Variants in SVEP1 observed in about 807,000 individuals in gnomAD.
SVEP1 encodes the protein sushi, von Willebrand factor type A, EGF and pentraxin domain-containing protein 1.
A neutral mutation model predicts 367.3 loss-of-function variants in SVEP1; 164 were observed. The ratio of observed to expected loss-of-function variants is 0.45; its 90% CI spans 0.39 to 0.51. SVEP1 has a LOEUF of 0.51. Among genes scored for constraint, SVEP1 ranks in the 20% least tolerant of loss-of-function variants. The probability of loss-of-function intolerance (pLI) is 0.00; values close to 1 mark genes in which losing one functional copy is unlikely to be tolerated. For synonymous variants in SVEP1, 1,666 were observed against 1,611.6 expected (o/e 1.03, Z -0.81); for missense variants, 4,117 against 4,425.3 (o/e 0.93, Z 1.98).
chr9:110,387,193 T>C, intron 42 of SVEP1, 92 bp downstream of exon 42: 1 of 1,364,968 alleles, frequency 7.3e-7, no homozygotes, highest in Non-Finnish European at 9.8e-7. Flanking sequence ...CCCATATCCC[T>C]TATGAGTGGA....
chr9:110,523,465 A>G (rs1407403523), intron 3 of SVEP1, among the ~76,000 whole-genome samples: 1 of 152,198 alleles, frequency 6.6e-6, no homozygotes, highest in Admixed American at 6.6e-5. Flanking sequence ...CAGAGAGAAT[A>G]AACAGAAAAC....
intron 5 of SVEP1, among the ~76,000 whole-genome samples, chr9:110,508,069 T>A (rs940901775): frequency 1.4e-4 from 22 of 152,366 alleles, no homozygotes; most frequent in African/African-American, 5.0e-4. Context: ...ACCATTTTAA[T>A]AGGTACACAC....
At chr9:110,557,997 CTTTG>C (rs1054419785) in intron 1 of SVEP1, among the ~76,000 whole-genome samples, 1 of 151,776 alleles carries the variant, frequency 6.6e-6, no homozygotes, top group African/African-American at 2.4e-5. Context: ...GAATTAGTAA[CTTTG>C]TTTAATTTTA....
At chr9:110,498,947 G>T in intron 7 of SVEP1, 94 bp downstream of exon 7, 1 of 1,103,658 alleles carries the variant, frequency 9.1e-7, no homozygotes, top group Non-Finnish European at 1.2e-6. Flanking sequence ...TCATGGGTTT[G>T]CAGCAAAAGT....
intron 27 of SVEP1, among the ~76,000 whole-genome samples, chr9:110,439,185 GA>G (rs1182225409): frequency 1.3e-5 from 2 of 152,082 alleles, no homozygotes; most frequent in African/African-American, 4.8e-5. Flanking sequence ...ATGAGTTCAT[GA>G]GGGTAGGGCC....
intron 22 of SVEP1, among the ~76,000 whole-genome samples, chr9:110,451,607 T>C (rs920825603): frequency 6.6e-6 from 1 of 152,206 alleles, no homozygotes; most frequent in African/African-American, 2.4e-5. Context: ...ATATTCAGCA[T>C]GCAATGGAAA....
chr9:110,455,821 A>AGAAAAG (rs1270576905), intron 21 of SVEP1, 118 bp from the exon 22 acceptor site: 2 of 678,928 alleles, frequency 2.9e-6, no homozygotes, highest in Non-Finnish European at 4.6e-6. Context: ...GTAGTGGTAA[A>AGAAAAG]GGGTAATATT....
chr9:110,411,407 A>G lies in SVEP1; in HGVS notation c.6304T>C (p.Phe2102Leu). ...AAGCTCACAACTGAGCCAGCTGCAA[A>G]TTTTGCTTTGCTCACAGATTCCAAG... The part of the protein sequence containing the change: ...SILESVSKAK[F>L]AAGSVVSFKC... Residue 2102 changes from phenylalanine to leucine, a missense_variant, in exon 37 of 48, where the codon TTT becomes CTT. This residue lies in a region of SVEP1 where 2,174 missense variants were observed against 2,494.3 expected (regional missense o/e 0.87). Coordinates refer to ENST00000374469, the MANE Select transcript of SVEP1 (RefSeq NM_153366.4). 3.7e-6 allele frequency: 6 copies of G among 1,613,990 alleles called. No individual in the cohort carries two copies. The highest frequency in any genetic ancestry group is 5.1e-6 in the Non-Finnish European group (6 of 1,179,890).
intron 9 of SVEP1, among the ~76,000 whole-genome samples, chr9:110,485,004 A>G (rs1025321118): frequency 3.3e-5 from 5 of 152,230 alleles, no homozygotes; most frequent in African/African-American, 9.6e-5. Context: ...AATTAGTTCA[A>G]CCGTTGTGGA....
chr9:110,561,878 T>C (rs1395353569), intron 1 of SVEP1, among the ~76,000 whole-genome samples: 2 of 152,190 alleles, frequency 1.3e-5, no homozygotes, highest in Non-Finnish European at 2.9e-5. Flanking sequence ...ACTGAGAGTC[T>C]AGAAAGAAAG....
At chr9:110,533,315 C>A (rs1830042706) in intron 3 of SVEP1, among the ~76,000 whole-genome samples, 1 of 152,166 alleles carries the variant, frequency 6.6e-6, no homozygotes, top group Non-Finnish European at 1.5e-5. Flanking sequence ...TTATTCACAT[C>A]TTATTTAATG....
At chr9:110,476,042 C>A in intron 14 of SVEP1, 162 bp downstream of exon 14, 1 of 519,968 alleles carries the variant, frequency 1.9e-6, no homozygotes. Context: ...TTGATATAAC[C>A]TTAATGATCT....
intron 3 of SVEP1, among the ~76,000 whole-genome samples, chr9:110,529,501 T>C (rs1375177113): frequency 1.3e-5 from 2 of 152,182 alleles, no homozygotes; most frequent in East Asian, 3.8e-4. Flanking sequence ...AAGCATCGGA[T>C]GTTCTTCCAT....
chr9:110,479,651 G>A lies in SVEP1; in HGVS notation c.2471C>T (p.Thr824Met), dbSNP rs374066381. Reference sequence around the variant, plus strand: ...TTGATGTACCATTTTTCCCAGGGTCGTCTCAAATGCTTCAGAAAACTTCTT... The same window carrying A: ...TTGATGTACCATTTTTCCCAGGGTCATCTCAAATGCTTCAGAAAACTTCTT... ...LMKKFSEAFE[T>M]TLGKMVPSFC... The change falls in exon 13 of 48, where the codon ACG (threonine) becomes ATG (methionine). Residue 824 changes from threonine (T) to methionine (M), a missense_variant. By Grantham distance (81) the Thr-to-Met change is moderately conservative. Transcript: ENST00000374469. 3.5e-5 allele frequency: 56 copies of A among 1,606,254 alleles called. No individual in the cohort carries two copies. In the East Asian group the frequency reaches 6.7e-4, roughly 19 times the overall value.
chr9:110,406,134 T>G (rs762611272), intron 38 of SVEP1, 26 bp downstream of exon 38: 1 of 1,521,542 alleles, frequency 6.6e-7, no homozygotes, highest in Admixed American at 2.3e-5. Context: ...CCGCACCCCT[T>G]GGAGACCCTA....
intron 22 of SVEP1, 56 bp downstream of exon 22, chr9:110,455,534 G>T: frequency 7.7e-7 from 1 of 1,304,778 alleles, no homozygotes; most frequent in Non-Finnish European, 1.1e-6. Flanking sequence ...TCTCAGTGAT[G>T]AAATGTTAAT....
At chr9:110,548,762 G>A (rs564945713) in intron 2 of SVEP1, among the ~76,000 whole-genome samples, 2 of 152,078 alleles carry the variant, frequency 1.3e-5, no homozygotes, top group Non-Finnish European at 2.9e-5. Flanking sequence ...CCTGTCCTAA[G>A]TCCTTGCTCA....
chr9:110,368,088 A>G (rs1298378070), intron 47 of SVEP1, among the ~76,000 whole-genome samples: 3 of 151,940 alleles, frequency 2.0e-5, no homozygotes, highest in Non-Finnish European at 2.9e-5. Context: ...AAAAAAAAAG[A>G]GAAATTCTGT....
intron 3 of SVEP1, among the ~76,000 whole-genome samples, chr9:110,516,338 T>A (rs998596033): frequency 2.0e-5 from 3 of 151,790 alleles, no homozygotes; most frequent in Non-Finnish European, 4.4e-5. Context: ...TTGACTTTGT[T>A]TAAAAACAAA....
Sources: gnomAD v4.1 joint callset for allele counts (sites outside exome capture counted in the v4.1 genomes callset) on GRCh38, gnomAD v4.1.1 for gene constraint, gnomAD v4.1.1 regional missense constraint, MANE v1.5 for transcripts, NCBI Gene and HGNC (gene_info 2026-07-23, HGNC 2026-07-21) for gene names.